Variants in SOCS6 observed in about 807,000 individuals in gnomAD.
SOCS6 encodes STAT induced STAT inhibitor-4.
Under a neutral mutation model 27.7 loss-of-function variants are expected in SOCS6, and 5 were observed. The ratio of observed to expected loss-of-function variants is 0.18; its 90% CI spans 0.09 to 0.38. The LOEUF (loss-of-function observed/expected upper bound fraction) is 0.38. SOCS6 is among the 10% of genes least tolerant of loss of function. SOCS6 has a pLI of 1.00. For missense variants in SOCS6, 595 were observed against 688.1 expected (o/e 0.86, Z 1.51); for synonymous variants, 271 against 260.0 (o/e 1.04, Z -0.41).
At chr18:70,297,778 G>A (rs1009114142) in intron 1 of SOCS6, among the ~76,000 whole-genome samples, 1 of 152,154 alleles carries the variant, frequency 6.6e-6, no homozygotes, top group Non-Finnish European at 1.5e-5. Flanking sequence ...AATGAATGAA[G>A]TTTATGTTGG....
In SOCS6 at chr18:70,326,658, A is replaced by G. The variant is rs1386634859; in HGVS notation, c.*382A>G. 1.0e-5 allele frequency: 2 copies of G among 192,778 alleles called. No individual in the cohort carries two copies. The highest frequency in any genetic ancestry group is 2.4e-5 in the Non-Finnish European group (2 of 83,218). The allele number at this position is 192,778 out of a possible 1,614,324, so 11.9% of individuals were successfully genotyped here. On this transcript the variant is annotated 3_prime_UTR_variant, in exon 2 of 2. Coordinates refer to ENST00000397942, the MANE Select transcript of SOCS6 (RefSeq NM_004232.4). ...CCCTAAGTAAAGTTGAATGAAACTTAACAGAATGGAAATTGCTATGTCTTT... is the reference window on the plus strand; with the variant it reads ...CCCTAAGTAAAGTTGAATGAAACTTGACAGAATGGAAATTGCTATGTCTTT...
At chr18:70,303,114 C>G (rs535538313) in intron 1 of SOCS6, among the ~76,000 whole-genome samples, 1 of 152,296 alleles carries the variant, frequency 6.6e-6, no homozygotes, top group South Asian at 2.1e-4. Context: ...GTTAACAGTT[C>G]TGCTGTACTT....
chr18:70,322,612 A>G (rs887782927), intron 1 of SOCS6, among the ~76,000 whole-genome samples: 2 of 152,196 alleles, frequency 1.3e-5, no homozygotes, highest in Non-Finnish European at 2.9e-5. Flanking sequence ...ATGCTTGGGT[A>G]GAAGACATGC....
At chr18:70,323,728 TTTTG>T (rs903705888) in intron 1 of SOCS6, among the ~76,000 whole-genome samples, 1 of 152,204 alleles carries the variant, frequency 6.6e-6, no homozygotes, top group African/African-American at 2.4e-5. Flanking sequence ...ATGAAATTCT[TTTTG>T]TTTATTTTGA....
intron 1 of SOCS6, among the ~76,000 whole-genome samples, chr18:70,307,211 A>G (rs970125239): frequency 2.0e-5 from 3 of 152,302 alleles, no homozygotes; most frequent in South Asian, 4.1e-4. Context: ...GCAGCGAGCC[A>G]TGATTGCATC....
chr18:70,297,024 T>TACA, intron 1 of SOCS6, among the ~76,000 whole-genome samples: 1 of 152,000 alleles, frequency 6.6e-6, no homozygotes, highest in African/African-American at 2.4e-5. Context: ...GTTGTTGTTG[T>TACA]TGTTCTTTGG....
intron 1 of SOCS6, among the ~76,000 whole-genome samples, chr18:70,298,420 CAT>C (rs2062333701): frequency 6.6e-6 from 1 of 152,136 alleles, no homozygotes; most frequent in African/African-American, 2.4e-5. Context: ...CAGCTATAAT[CAT>C]ATATAGGTGA....
At chr18:70,291,068 G>A (rs2062297244) in intron 1 of SOCS6, among the ~76,000 whole-genome samples, 1 of 150,726 alleles carries the variant, frequency 6.6e-6, no homozygotes, top group African/African-American at 2.4e-5. Flanking sequence ...ATTAGAACTG[G>A]AAAAGGTGTT....
intron 1 of SOCS6, among the ~76,000 whole-genome samples, chr18:70,314,905 A>G (rs758801248): frequency 2.6e-5 from 4 of 151,252 alleles, no homozygotes; most frequent in African/African-American, 9.7e-5. Flanking sequence ...CTATTTTACA[A>G]TGGGTTTGGG....
chr18:70,312,993 GC>G (rs1357478442), intron 1 of SOCS6, among the ~76,000 whole-genome samples: 1 of 152,020 alleles, frequency 6.6e-6, no homozygotes, highest in Non-Finnish European at 1.5e-5. Context: ...TGTTGGCCGG[GC>G]TGGTCTCGAA....
chr18:70,304,046 C>A (rs2062359155), intron 1 of SOCS6, among the ~76,000 whole-genome samples: 2 of 152,036 alleles, frequency 1.3e-5, no homozygotes, highest in African/African-American at 4.8e-5. Flanking sequence ...AATATGAAAA[C>A]CAAAACTTCT....
At chr18:70,308,366 C>T (rs112536484) in intron 1 of SOCS6, among the ~76,000 whole-genome samples, 12,889 of 151,866 alleles carry the variant, frequency 0.085, 612 homozygotes, top group Middle Eastern at 0.18. Context: ...TACAGGCATG[C>T]GCCACCATAC....
chr18:70,300,006 G>T (rs1568597406), intron 1 of SOCS6, among the ~76,000 whole-genome samples: 1 of 152,148 alleles, frequency 6.6e-6, no homozygotes, highest in Non-Finnish European at 1.5e-5. Flanking sequence ...AATACCGAGG[G>T]ATGACCGTAT....
intron 1 of SOCS6, among the ~76,000 whole-genome samples, chr18:70,318,248 A>G (rs898920295): frequency 1.8e-4 from 28 of 152,170 alleles, no homozygotes; most frequent in African/African-American, 6.8e-4. Context: ...AGCCACCTGC[A>G]TTTATTTATT....
chr18:70,327,734 T>C lies in SOCS6; in HGVS notation c.*1458T>C, dbSNP rs542658780. Reference sequence around the variant, plus strand: ...TCCAGAAAATTTTCAGCTACACACCTTTAAAGGAAAATGTTTCTATCTCAG... The same window carrying C: ...TCCAGAAAATTTTCAGCTACACACCCTTAAAGGAAAATGTTTCTATCTCAG... On this transcript the variant is annotated 3_prime_UTR_variant, in exon 2 of 2. Coordinates refer to ENST00000397942, the MANE Select transcript of SOCS6 (RefSeq NM_004232.4). 3 of 167,082 alleles carry C rather than the reference T, an allele frequency of 1.8e-5. No homozygotes were observed. In the South Asian group the frequency reaches 6.2e-4, roughly 35 times the overall value. 10.3% of individuals were successfully genotyped at this position (167,082 alleles called of 1,614,324 possible). A position where few individuals can be genotyped will look rare whatever the true frequency, so the allele number is the denominator to read the frequency against.
chr18:70,318,413 A>G (rs192202718), intron 1 of SOCS6, among the ~76,000 whole-genome samples: 94 of 152,314 alleles, frequency 6.2e-4, no homozygotes, highest in African/African-American at 2.1e-3. Flanking sequence ...TGTTGGAGAT[A>G]CAGTCATGAC....
chr18:70,294,879 G>C (rs72965693), intron 1 of SOCS6, among the ~76,000 whole-genome samples: 3 of 152,104 alleles, frequency 2.0e-5, no homozygotes, highest in African/African-American at 4.8e-5. Context: ...TCCTAACAGC[G>C]AACACACTAA....
chr18:70,321,532 C>G (rs1426072945), intron 1 of SOCS6, among the ~76,000 whole-genome samples: 1 of 145,058 alleles, frequency 6.9e-6, no homozygotes, highest in Non-Finnish European at 1.5e-5. Flanking sequence ...TGGGGTTTCA[C>G]CACGTTGGCC....
At chr18:70,324,182 G>T (rs921800302) in intron 1 of SOCS6, among the ~76,000 whole-genome samples, 2 of 151,990 alleles carry the variant, frequency 1.3e-5, no homozygotes, top group Admixed American at 6.6e-5. Context: ...GGCGTCTGTA[G>T]TCCCAGCTAC....
Sources: allele counts gnomAD v4.1 joint callset (sites outside exome capture counted in the v4.1 genomes callset), GRCh38; gene constraint gnomAD v4.1.1; transcripts MANE v1.5; gene names NCBI Gene and HGNC (gene_info 2026-07-23, HGNC 2026-07-21).